The following ZFHX4 variants were observed in gnomAD, a reference collection of about 807,000 sequenced individuals.
ZFHX4 encodes the protein zinc finger homeobox 4, also known as zinc finger homeobox protein 4.
ZFHX4 carries 56 observed loss-of-function variants against 267.6 expected under a neutral mutation model. The ratio of observed to expected loss-of-function variants is 0.21; its 90% confidence interval spans 0.17 to 0.26. ZFHX4 has a LOEUF of 0.26. Ranked by LOEUF, ZFHX4 falls within the 10% of genes least tolerant of loss-of-function variation. The pLI, the probability that ZFHX4 is intolerant of heterozygous loss-of-function variation, is 1.00. For missense variants in ZFHX4, 4,332 were observed against 4,420.0 expected (o/e 0.98, Z 0.56); for synonymous variants, 1,778 against 1,665.6 (o/e 1.07, Z -1.64).
intron 3 of ZFHX4, among the ~76,000 whole-genome samples, chr8:76,731,852 C>A (rs938874271): frequency 3.3e-5 from 4 of 121,798 alleles, no homozygotes; most frequent in Non-Finnish European, 6.7e-5. Flanking sequence ...TTGTTGGTGC[C>A]ACACATTATT....
intron 3 of ZFHX4, among the ~76,000 whole-genome samples, chr8:76,719,697 G>T (rs1808669688): frequency 6.6e-6 from 1 of 152,156 alleles, no homozygotes; most frequent in Admixed American, 6.6e-5. Flanking sequence ...GATACCACAA[G>T]ATTCTTAGAT....
Position 76,706,527 on chromosome 8 carries a change from C to A in ZFHX4, c.2439C>A (p.Leu813=), listed in dbSNP as rs778751526. Residue 813 remains leucine, a synonymous_variant, in exon 2 of 11, where the codon CTC becomes CTA. Coordinates refer to ENST00000651372, the MANE Select transcript of ZFHX4 (RefSeq NM_024721.5). Reference sequence around the variant, plus strand: ...TCCAGCATAATCTGCACTTGGGCCTCGCCCCGGCGGAAGCAGAGCTTTATC... The same window carrying A: ...TCCAGCATAATCTGCACTTGGGCCTAGCCCCGGCGGAAGCAGAGCTTTATC... ...KQIQHNLHLG[L]APAEAELYQY... The A allele has an allele frequency of 6.2e-7, 1 of 1,613,494 alleles. No homozygotes were observed. The highest frequency in any genetic ancestry group is 8.5e-7 in the Non-Finnish European group (1 of 1,179,684).
chr8:76,863,245 G>A lies in ZFHX4; in HGVS notation c.9531G>A (p.Leu3177=). The A allele has an allele frequency of 6.3e-7, 1 of 1,598,902 alleles. No homozygotes were observed. Among genetic ancestry groups the A allele is most frequent in the Non-Finnish European group, 8.5e-7 (1 of 1,172,196 alleles). Residue 3177 remains leucine (L), a synonymous_variant, in exon 11 of 11, where the codon CTG becomes CTA. Transcript: ENST00000651372. ...CTCCTCCTCCTCCTTCATCCTCTCT[G>A]TCAGGACAGCAGACCGAGCAACAGA... ...PPPPPPPSSS[L]SGQQTEQQNK...
intron 3 of ZFHX4, among the ~76,000 whole-genome samples, chr8:76,762,772 T>C (rs1256127169): frequency 6.6e-6 from 1 of 152,216 alleles, no homozygotes; most frequent in Non-Finnish European, 1.5e-5. Context: ...ATACTATGCC[T>C]AAAACATATT....
chr8:76,732,005 CTAA>C (rs1214930745), intron 3 of ZFHX4, among the ~76,000 whole-genome samples: 1 of 151,814 alleles, frequency 6.6e-6, no homozygotes, highest in Non-Finnish European at 1.5e-5. Context: ...CCACACTCCG[CTAA>C]TGTTTGTATT....
At chr8:76,835,259 A>ATT (rs1554572214) in intron 5 of ZFHX4, among the ~76,000 whole-genome samples, 1 of 144,010 alleles carries the variant, frequency 6.9e-6, no homozygotes, top group Non-Finnish European at 1.5e-5. Flanking sequence ...ATATATATAT[A>ATT]TTCATACATA....
At chr8:76,860,000 C>T (rs996167138) in intron 10 of ZFHX4, among the ~76,000 whole-genome samples, 1 of 151,958 alleles carries the variant, frequency 6.6e-6, no homozygotes, top group Non-Finnish European at 1.5e-5. Flanking sequence ...CTGAGAACTG[C>T]AGTAGGAGTT....
At chr8:76,808,339 A>G (rs1811295210) in intron 4 of ZFHX4, among the ~76,000 whole-genome samples, 1 of 152,164 alleles carries the variant, frequency 6.6e-6, no homozygotes, top group Non-Finnish European at 1.5e-5. Flanking sequence ...CTGTAATACT[A>G]AAAGGAAAAT....
Position 76,711,180 on chromosome 8 carries a change from C to G in ZFHX4, c.3093+3132C>G, listed in dbSNP as rs570041561. On this transcript the variant is annotated intron_variant, in intron 3 of 10. Transcript: ENST00000651372. ...CTGCAAAAACAAACAAAGCTATATT[C>G]ATTTTTGGCAGCATTATTTTCCATA... 3.3e-4 allele frequency among the ~76,000 whole-genome samples: 50 copies of G among 152,164 alleles called. No individual in the cohort carries two copies. In the South Asian group the frequency reaches 5.4e-3, roughly 16 times the overall value.
intron 6 of ZFHX4, among the ~76,000 whole-genome samples, chr8:76,843,237 T>G (rs1394675657): frequency 6.6e-6 from 1 of 152,232 alleles, no homozygotes; most frequent in Non-Finnish European, 1.5e-5. Context: ...TTTTCCTTGC[T>G]TTTTTACAAC....
chr8:76,863,241 C>T lies in ZFHX4; in HGVS notation c.9527C>T (p.Ser3176Phe), dbSNP rs375538387. 2 of 1,596,886 alleles carry T rather than the reference C, an allele frequency of 1.3e-6. No individual in the cohort carries two copies. Among genetic ancestry groups the T allele is most frequent in the East Asian group, 2.3e-5 (1 of 44,058 alleles). ...CCTCCTCCTCCTCCTCCTTCATCCT[C>T]TCTGTCAGGACAGCAGACCGAGCAA... ...PPPPPPPPSS[S>F]LSGQQTEQQN... The change falls in exon 11 of 11, where the codon TCT becomes TTT. Residue 3176 changes from serine to phenylalanine, a missense_variant. By Grantham distance (155) the Ser-to-Phe change is radical. Transcript: ENST00000651372.
chr8:76,757,074 A>G (rs750588481), intron 3 of ZFHX4, among the ~76,000 whole-genome samples: 14 of 152,168 alleles, frequency 9.2e-5, no homozygotes, highest in South Asian at 2.1e-4. Context: ...ATAGTTGTCA[A>G]GCAGGGGTTT....
chr8:76,811,962 C>T (rs1811390143), intron 4 of ZFHX4, among the ~76,000 whole-genome samples: 1 of 152,100 alleles, frequency 6.6e-6, no homozygotes, highest in Non-Finnish European at 1.5e-5. Flanking sequence ...ATTTTGGATT[C>T]CTTGTAGATT....
At chr8:76,745,767 T>G (rs187039873) in intron 3 of ZFHX4, among the ~76,000 whole-genome samples, 1 of 152,274 alleles carries the variant, frequency 6.6e-6, no homozygotes. Flanking sequence ...AACAGAAAAT[T>G]TTCTTAATGA....
chr8:76,819,165 A>T (rs1051741168), intron 4 of ZFHX4, among the ~76,000 whole-genome samples: 2 of 139,998 alleles, frequency 1.4e-5, no homozygotes, highest in Non-Finnish European at 3.1e-5. Flanking sequence ...TTTTTTTTTA[A>T]CTCACAAAAA....
intron 8 of ZFHX4, 113 bp downstream of exon 8, chr8:76,849,825 T>C: frequency 8.5e-7 from 1 of 1,179,296 alleles, no homozygotes; most frequent in East Asian, 2.6e-5. Flanking sequence ...TAATTAAAGC[T>C]CTGTTATTGC....
chr8:76,779,523 G>A (rs368690438), intron 4 of ZFHX4, among the ~76,000 whole-genome samples: 22 of 152,060 alleles, frequency 1.4e-4, no homozygotes, highest in African/African-American at 5.3e-4. Context: ...GAGCTTGAGA[G>A]CGTACTCCAT....
intron 5 of ZFHX4, among the ~76,000 whole-genome samples, chr8:76,835,241 G>GTC (rs1812050539): frequency 2.3e-5 from 1 of 42,648 alleles, no homozygotes. Context: ...ATATATATAT[G>GTC]TATATATATA....
chr8:76,815,226 G>T (rs750564645), intron 4 of ZFHX4, among the ~76,000 whole-genome samples: 25 of 152,094 alleles, frequency 1.6e-4, no homozygotes, highest in Non-Finnish European at 2.8e-4. Flanking sequence ...GGACAAGAAG[G>T]TTAATAATGT....
Sources: gnomAD v4.1 joint callset for allele counts (sites outside exome capture counted in the v4.1 genomes callset) on GRCh38, gnomAD v4.1.1 for gene constraint, MANE v1.5 for transcripts, NCBI Gene and HGNC (gene_info 2026-07-23, HGNC 2026-07-21) for gene names.